PCDH11X: variants seen among roughly 807,000 people sequenced by gnomAD.
The protein encoded by PCDH11X is protocadherin 11 X-linked.
In PCDH11X, 18 loss-of-function variants were observed where a neutral mutation model predicts 53.3. The ratio of observed to expected loss-of-function variants is 0.34; its 90% CI spans 0.23 to 0.50. The LOEUF is 0.50. PCDH11X is among the 20% of genes least tolerant of loss of function. The pLI is 0.98. For synonymous variants in PCDH11X, 279 were observed against 393.3 expected (o/e 0.71, Z 3.44); for missense variants, 570 against 1,032.4 (o/e 0.55, Z 6.14).
At chrX:92,360,263 G>T (rs1449500157) in intron 8 of PCDH11X, among the ~76,000 whole-genome samples, 1 of 110,621 alleles carries the variant, frequency 9.0e-6, no homozygotes, top group Non-Finnish European at 1.9e-5. Flanking sequence ...TTTATACTTT[G>T]TAAAAGTGAA....
intron 8 of PCDH11X, among the ~76,000 whole-genome samples, chrX:92,369,183 G>A (rs774050667): frequency 9.2e-6 from 1 of 108,781 alleles, no homozygotes; most frequent in Admixed American, 9.7e-5. Context: ...TCCTGACTGG[G>A]GCTGTTGCCT....
chrX:92,250,093 T>G (rs2067429255), intron 7 of PCDH11X, among the ~76,000 whole-genome samples: 3 of 111,882 alleles, frequency 2.7e-5, no homozygotes, highest in African/African-American at 9.7e-5. Flanking sequence ...TCATATTAGG[T>G]AATGAGTAAT....
chrX:92,119,890 C>T (rs1327645753), intron 6 of PCDH11X, among the ~76,000 whole-genome samples: 2 of 109,990 alleles, frequency 1.8e-5, no homozygotes, highest in African/African-American at 6.6e-5. Context: ...GGCTTTTACC[C>T]AATAGCATTT....
At chrX:92,467,838 A>G (rs919554885) in intron 9 of PCDH11X, among the ~76,000 whole-genome samples, 8 of 111,440 alleles carry the variant, frequency 7.2e-5, no homozygotes, top group Admixed American at 5.7e-4. Flanking sequence ...TCCTATTACT[A>G]TTTTATATGT....
intron 6 of PCDH11X, among the ~76,000 whole-genome samples, chrX:92,019,452 C>T (rs112732222): frequency 0.037 from 4,068 of 110,667 alleles, 191 homozygotes; most frequent in African/African-American, 0.13. Context: ...TAAAATCAAC[C>T]GCATAATCAG....
rs1221418441 is a variant in PCDH11X at position 92,608,719 on chromosome X, A to G, written c.3368-9545A>G. 3.6e-5 allele frequency among the ~76,000 whole-genome samples: 4 copies of G among 111,206 alleles called. No homozygotes were observed. In the Admixed American group the frequency reaches 3.8e-4, roughly 11 times the overall value. ...AGGCAAAAGATAATTTATAAAAAGT[A>G]TAATTTCTCAACAGTTGACATCACT... On this transcript the variant is annotated intron_variant, in intron 10 of 10. Coordinates refer to ENST00000682573, the MANE Select transcript of PCDH11X (RefSeq NM_032968.5).
At chrX:92,288,220 T>C (rs1276076222) in intron 8 of PCDH11X, among the ~76,000 whole-genome samples, 1 of 110,797 alleles carries the variant, frequency 9.0e-6, no homozygotes, top group Admixed American at 9.7e-5. Flanking sequence ...CCAAAATTAA[T>C]GGCCATTTCT....
At chrX:92,550,483 T>G (rs2074934305) in intron 10 of PCDH11X, among the ~76,000 whole-genome samples, 2 of 108,083 alleles carry the variant, frequency 1.9e-5, no homozygotes, top group African/African-American at 6.7e-5. Flanking sequence ...TATATTTATG[T>G]GATACCTTGG....
intron 8 of PCDH11X, among the ~76,000 whole-genome samples, chrX:92,352,714 G>T (rs764936599): frequency 9.0e-6 from 1 of 111,342 alleles, no homozygotes; most frequent in African/African-American, 3.3e-5. Flanking sequence ...TCCTAGGGAT[G>T]TGGCTTCCTG....
At chrX:92,541,816 G>A (rs1234798083) in intron 10 of PCDH11X, among the ~76,000 whole-genome samples, 2 of 110,365 alleles carry the variant, frequency 1.8e-5, no homozygotes. Flanking sequence ...TGGCGTGGTG[G>A]TGGGTGCCTG....
chrX:92,084,755 G>A (rs1961103112), intron 6 of PCDH11X, among the ~76,000 whole-genome samples: 1 of 110,693 alleles, frequency 9.0e-6, no homozygotes, highest in African/African-American at 3.3e-5. Flanking sequence ...CCTTTAGAGG[G>A]TTGGGCTACC....
intron 10 of PCDH11X, among the ~76,000 whole-genome samples, chrX:92,475,109 G>A (rs1292583070): frequency 2.3e-5 from 2 of 87,313 alleles, no homozygotes; most frequent in African/African-American, 9.1e-5. Context: ...AGCTTGCAGT[G>A]AGCCGAGATC....
intron 8 of PCDH11X, among the ~76,000 whole-genome samples, chrX:92,271,662 C>T (rs999678239): frequency 1.8e-5 from 2 of 112,059 alleles, no homozygotes; most frequent in African/African-American, 6.5e-5. Context: ...CTTATGTTCC[C>T]TGATTCCAGA....
chrX:92,581,673 G>C (rs1428052670), intron 10 of PCDH11X, among the ~76,000 whole-genome samples: 2 of 111,985 alleles, frequency 1.8e-5, no homozygotes, highest in Non-Finnish European at 3.8e-5. Flanking sequence ...GGGTGCTGCT[G>C]TAAAAATGCT....
At chrX:92,196,904 C>T (rs1446791533) in intron 6 of PCDH11X, among the ~76,000 whole-genome samples, 3 of 111,294 alleles carry the variant, frequency 2.7e-5, no homozygotes, top group African/African-American at 6.5e-5. Flanking sequence ...TGGTGAATGG[C>T]TTCTGCTTCA....
At chrX:91,841,141 A>G (rs1439565165) in intron 5 of PCDH11X, among the ~76,000 whole-genome samples, 2 of 111,357 alleles carry the variant, frequency 1.8e-5, no homozygotes, top group East Asian at 2.8e-4. Flanking sequence ...ATGACAACAT[A>G]AAACTCATTG....
intron 10 of PCDH11X, among the ~76,000 whole-genome samples, chrX:92,481,650 G>A (rs1464881571): frequency 9.0e-6 from 1 of 111,703 alleles, no homozygotes; most frequent in Admixed American, 9.5e-5. Flanking sequence ...CAGAGTTCAG[G>A]TCTGACAGTT....
At chrX:91,962,322 G>A (rs1012848860) in intron 6 of PCDH11X, among the ~76,000 whole-genome samples, 1 of 112,682 alleles carries the variant, frequency 8.9e-6, no homozygotes, top group Non-Finnish European at 1.9e-5. Flanking sequence ...CCAAATGGGA[G>A]AAGTTGGCTA....
In PCDH11X at chrX:91,836,861, A is replaced by C. The variant is rs1255159333; in HGVS notation, c.540+817A>C. Among the ~76,000 whole-genome samples the C allele has an allele frequency of 2.7e-5, 3 of 111,277 alleles. No individual in the cohort carries two copies. The South Asian group carries it at 1.1e-3, about 42-fold the overall frequency. On this transcript the variant is annotated intron_variant, in intron 5 of 10. Coordinates refer to ENST00000682573, the MANE Select transcript of PCDH11X (RefSeq NM_032968.5). ...GCAGAGGGGCCACATTTATCAAGTT[A>C]ATGATCAATTCTTTTAAATTACTTA...
Sources: allele counts gnomAD v4.1 joint callset (sites outside exome capture counted in the v4.1 genomes callset), GRCh38; gene constraint gnomAD v4.1.1; transcripts MANE v1.5; gene names NCBI Gene and HGNC (gene_info 2026-07-23, HGNC 2026-07-21).